The following CACNB2 variants were observed in gnomAD, a reference collection of about 807,000 sequenced individuals.
The protein encoded by CACNB2 is voltage-dependent L-type calcium channel subunit beta-2.
Under a neutral mutation model 73.3 loss-of-function variants are expected in CACNB2, and 42 were observed. The ratio of observed to expected loss-of-function variants is 0.57; its 90% CI spans 0.45 to 0.74. The LOEUF (loss-of-function observed/expected upper bound fraction) is 0.74. Among genes scored for constraint, CACNB2 ranks in the 30% least tolerant of loss-of-function variants. The pLI is 0.00. For synonymous variants in CACNB2, 348 were observed against 310.3 expected (o/e 1.12, Z -1.28); for missense variants, 940 against 853.0 (o/e 1.10, Z -1.27).
chr10:18,476,590 A>G (rs1243032694), intron 3 of CACNB2, among the ~76,000 whole-genome samples: 1 of 152,214 alleles, frequency 6.6e-6, no homozygotes, highest in African/African-American at 2.4e-5. Context: ...CTATGCACAC[A>G]TCTGATTGGC....
intron 2 of CACNB2, among the ~76,000 whole-genome samples, chr10:18,339,720 G>C (rs572032146): frequency 1.4e-4 from 22 of 152,150 alleles, no homozygotes; most frequent in Non-Finnish European, 1.5e-5. Context: ...GAACAAGCCC[G>C]TATGTTCCAA....
chr10:18,439,562 A>T (rs2046314128), intron 3 of CACNB2, among the ~76,000 whole-genome samples: 1 of 152,154 alleles, frequency 6.6e-6, no homozygotes, highest in Admixed American at 6.5e-5. Context: ...AAGTATTCTG[A>T]ATTGCTTTCC....
At chr10:18,346,242 C>T (rs1446309275) in intron 2 of CACNB2, among the ~76,000 whole-genome samples, 2 of 151,998 alleles carry the variant, frequency 1.3e-5, no homozygotes, top group African/African-American at 2.4e-5. Context: ...CGGGTTCAAA[C>T]GATTCTCCTG....
rs1050628561 is a variant in CACNB2, at chr10:18,502,702, A to C, written c.593+1754A>C. ...AAGACTCCATCTCAAAAAAAAAAAA[A>C]AAAAAAAAAAAAAAAAAAAAAACCG... On this transcript the variant is annotated intron_variant, in intron 5 of 13. Coordinates refer to ENST00000324631, the MANE Select transcript of CACNB2 (RefSeq NM_201596.3). 4.3e-4 allele frequency among the ~76,000 whole-genome samples: 56 copies of C among 129,204 alleles called. 1 individual carries two copies. Among genetic ancestry groups the C allele is most frequent in the South Asian group, 2.7e-3 (12 of 4,510 alleles). 84.8% of individuals were successfully genotyped at this position (129,204 alleles called of 152,430 possible).
intron 3 of CACNB2, among the ~76,000 whole-genome samples, chr10:18,438,703 G>A (rs1341900576): frequency 1.3e-5 from 2 of 152,262 alleles, no homozygotes; most frequent in Admixed American, 6.5e-5. Context: ...TATATAGAAC[G>A]AAGGTTTGCT....
intron 2 of CACNB2, among the ~76,000 whole-genome samples, chr10:18,180,915 G>A (rs1012248150): frequency 3.3e-5 from 5 of 151,066 alleles, no homozygotes; most frequent in African/African-American, 4.9e-5. Context: ...GCAGTGAGCC[G>A]AGATCACACC....
chr10:18,283,330 A>G (rs2038636077), intron 2 of CACNB2, among the ~76,000 whole-genome samples: 1 of 152,198 alleles, frequency 6.6e-6, no homozygotes, highest in Non-Finnish European at 1.5e-5. Context: ...GTATATACCC[A>G]AAGGATTATA....
At chr10:18,333,787 C>A (rs1432190232) in intron 2 of CACNB2, among the ~76,000 whole-genome samples, 1 of 152,128 alleles carries the variant, frequency 6.6e-6, no homozygotes, top group Non-Finnish European at 1.5e-5. Flanking sequence ...AATTTTTTCA[C>A]AATCCTCTAT....
chr10:18,295,988 CTTTTTGCGTGTTTTT>C (rs1488085925), intron 2 of CACNB2, among the ~76,000 whole-genome samples: 25 of 107,962 alleles, frequency 2.3e-4, no homozygotes, highest in African/African-American at 8.2e-4. Flanking sequence ...AATCACTATT[CTTTTTGCGTGTTTTT>C]TTTTTTTTTT....
chr10:18,527,826 C>T, intron 10 of CACNB2, 129 bp downstream of exon 10: 2 of 709,162 alleles, frequency 2.8e-6, no homozygotes, highest in East Asian at 5.4e-5. Context: ...CTGCCAGTCG[C>T]TGTTGCTATG....
chr10:18,148,956 G>C (rs528522138), intron 1 of CACNB2, among the ~76,000 whole-genome samples: 13 of 147,256 alleles, frequency 8.8e-5, no homozygotes, highest in African/African-American at 3.3e-4. Flanking sequence ...AGTGAGCCAT[G>C]ATCATATCAC....
intron 2 of CACNB2, chr10:18,400,977 C>T (rs1167028876): frequency 3.1e-6 from 5 of 1,613,170 alleles, no homozygotes; most frequent in South Asian, 1.1e-5. Context: ...TCAGCGCGCA[C>T]TGAGAACCTG....
chr10:18,292,486 T>A (rs938528200), intron 2 of CACNB2, among the ~76,000 whole-genome samples: 12 of 152,076 alleles, frequency 7.9e-5, no homozygotes, highest in Admixed American at 5.2e-4. Context: ...TAAAACCCCG[T>A]CCCTACTAAA....
At chr10:18,327,340 A>G (rs1044845968) in intron 2 of CACNB2, among the ~76,000 whole-genome samples, 5 of 152,338 alleles carry the variant, frequency 3.3e-5, no homozygotes, top group Admixed American at 6.5e-5. Flanking sequence ...TCAGCCTCCA[A>G]AAATATCAGA....
At chr10:18,536,226 AG>A (rs750006797) in intron 12 of CACNB2, 30 bp downstream of exon 12, 2 of 712,398 alleles carry the variant, frequency 2.8e-6, no homozygotes, top group African/African-American at 4.2e-5. Flanking sequence ...AGCATAATCC[AG>A]TTACAGAGAT....
intron 2 of CACNB2, among the ~76,000 whole-genome samples, chr10:18,160,293 G>A (rs971766756): frequency 5.3e-5 from 8 of 151,654 alleles, no homozygotes; most frequent in African/African-American, 1.9e-4. Flanking sequence ...AAATAATTTT[G>A]TGGATTGAGA....
intron 13 of CACNB2, 43 bp from the exon 14 acceptor site, chr10:18,539,187 C>CA: frequency 6.2e-7 from 1 of 1,613,228 alleles, no homozygotes. Context: ...GTTCTTTACA[C>CA]ACTGACCTTG....
At position 18,534,191 on chromosome 10, in the gene CACNB2, C is replaced by A. The variant is rs767828060; in HGVS notation, c.1170C>A (p.Ala390=). Residue 390 remains alanine, a synonymous_variant, in exon 11 of 14, where the codon GCC becomes GCA. Coordinates refer to ENST00000324631, the MANE Select transcript of CACNB2 (RefSeq NM_201596.3). The part of the protein sequence containing the change: ...HPAQLSKTSL[A]PIIVYVKISS... ...CTCAACTCAGTAAAACCTCCTTGGC[C>A]CCTATTATAGTATATGTAAAGATTT... 1 of 1,613,394 alleles carries A rather than the reference C, an allele frequency of 6.2e-7. No homozygotes were observed. Among genetic ancestry groups the A allele is most frequent in the Non-Finnish European group, 8.5e-7 (1 of 1,179,438 alleles).
chr10:18,494,265 C>A (rs1451170597), intron 3 of CACNB2, among the ~76,000 whole-genome samples: 1 of 152,042 alleles, frequency 6.6e-6, no homozygotes, highest in African/African-American at 2.4e-5. Context: ...TCGAGTCAGG[C>A]ATTAAAAATG....
Sources: gnomAD v4.1 joint callset for allele counts (sites outside exome capture counted in the v4.1 genomes callset) on GRCh38, gnomAD v4.1.1 for gene constraint, MANE v1.5 for transcripts, NCBI Gene and HGNC (gene_info 2026-07-23, HGNC 2026-07-21) for gene names.